CSMD1: variants seen among roughly 807,000 people sequenced by gnomAD.
CSMD1 encodes the protein CUB and Sushi multiple domains 1.
CSMD1 carries 213 observed loss-of-function variants against 417.5 expected under a neutral mutation model. That is an observed-to-expected ratio of 0.51 (90% CI 0.46 to 0.57). The LOEUF is 0.57. CSMD1 is among the 20% of genes least tolerant of loss of function. The pLI is 0.00. For missense variants in CSMD1, 6,923 were observed against 4,529.7 expected, an observed-to-expected ratio of 1.53 and a Z score of -15.17; for synonymous variants, 2,862 against 1,736.8, an observed-to-expected ratio of 1.65 and a Z score of -16.11.
intron 2 of CSMD1, 142 bp from the exon 3 acceptor site, chr8:4,420,207 A>G (rs967150422): frequency 3.9e-6 from 2 of 518,706 alleles, no homozygotes; most frequent in African/African-American, 1.9e-5. Flanking sequence ...ATCCATACAC[A>G]TAGCTTTGGT....
intron 5 of CSMD1, among the ~76,000 whole-genome samples, chr8:3,889,506 T>C (rs1806806912): frequency 7.9e-6 from 1 of 125,962 alleles, no homozygotes; most frequent in African/African-American, 2.9e-5. Flanking sequence ...ATATGCTCAT[T>C]AGGTCATGAT....
chr8:3,891,800 C>T (rs1461510812), intron 5 of CSMD1, among the ~76,000 whole-genome samples: 1 of 152,098 alleles, frequency 6.6e-6, no homozygotes, highest in Admixed American at 6.5e-5. Flanking sequence ...TTAGGCACAT[C>T]AATTATTTCT....
chr8:4,459,952 G>A (rs117971505), intron 2 of CSMD1, among the ~76,000 whole-genome samples: 1 of 152,060 alleles, frequency 6.6e-6, no homozygotes, highest in African/African-American at 2.4e-5. Flanking sequence ...TTTCATAGAG[G>A]AACAGAACAA....
intron 6 of CSMD1, among the ~76,000 whole-genome samples, chr8:3,717,229 C>T (rs1025087917): frequency 1.3e-5 from 2 of 152,160 alleles, no homozygotes; most frequent in South Asian, 2.1e-4. Context: ...GTAAACGTAC[C>T]TTTCCATTAT....
At chr8:3,895,929 C>T (rs983391785) in intron 5 of CSMD1, among the ~76,000 whole-genome samples, 1 of 152,172 alleles carries the variant, frequency 6.6e-6, no homozygotes, top group African/African-American at 2.4e-5. Flanking sequence ...GAGGCACCAA[C>T]CAATAGGCAC....
intron 2 of CSMD1, among the ~76,000 whole-genome samples, chr8:4,612,133 A>C (rs1442225550): frequency 6.6e-6 from 1 of 152,158 alleles, no homozygotes; most frequent in African/African-American, 2.4e-5. Context: ...ATCTCACACT[A>C]GGAGCAGAGA....
chr8:4,740,202 T>G (rs551296122), intron 1 of CSMD1, among the ~76,000 whole-genome samples: 1 of 152,284 alleles, frequency 6.6e-6, no homozygotes, highest in African/African-American at 2.4e-5. Flanking sequence ...CTTATTGTTT[T>G]CACCCCAGGA....
chr8:3,115,041 A>G (rs1460398), intron 42 of CSMD1, among the ~76,000 whole-genome samples: 54,324 of 152,128 alleles, frequency 0.36, 13,361 homozygotes, highest in African/African-American at 0.69. Context: ...ATTTTTATGC[A>G]TAAACATTTC....
chr8:4,342,351 G>C (rs910049111), intron 3 of CSMD1, among the ~76,000 whole-genome samples: 3 of 152,052 alleles, frequency 2.0e-5, no homozygotes, highest in African/African-American at 7.2e-5. Flanking sequence ...AGAAAAATAT[G>C]TGTATACATT....
intron 1 of CSMD1, among the ~76,000 whole-genome samples, chr8:4,721,794 T>A (rs940484362): frequency 6.6e-6 from 1 of 152,122 alleles, no homozygotes; most frequent in Non-Finnish European, 1.5e-5. Context: ...AGCCAAGGTA[T>A]GTAAAGAACC....
intron 5 of CSMD1, among the ~76,000 whole-genome samples, chr8:3,904,857 A>T (rs753481003): frequency 2.0e-5 from 3 of 152,004 alleles, no homozygotes; most frequent in Non-Finnish European, 2.9e-5. Flanking sequence ...GGCTGGTCTC[A>T]AACTCTTGAC....
At chr8:4,586,862 C>G (rs949247052) in intron 2 of CSMD1, among the ~76,000 whole-genome samples, 1 of 152,158 alleles carries the variant, frequency 6.6e-6, no homozygotes, top group Non-Finnish European at 1.5e-5. Context: ...TCAACTTTTT[C>G]TATCCAGTAT....
rs541831559 is a variant in CSMD1 at position 3,490,840 on chromosome 8, T to G, written c.1448+2783A>C. On this transcript the variant is annotated intron_variant, in intron 11 of 69. Transcript: ENST00000635120. ...AAATATAGATATCTGGGCCCTCAGA[T>G]GTAGGACTCTGTTTTTAAAAATAAA... 1.8e-4 allele frequency among the ~76,000 whole-genome samples: 27 copies of G among 152,148 alleles called. No homozygotes were observed. The South Asian group carries it at 3.7e-3, about 21-fold the overall frequency.
chr8:4,587,882 T>C (rs1056684007), intron 2 of CSMD1, among the ~76,000 whole-genome samples: 5 of 152,244 alleles, frequency 3.3e-5, no homozygotes, highest in African/African-American at 9.6e-5. Context: ...TAAAAACTGT[T>C]GTCCCTTTAA....
intron 3 of CSMD1, among the ~76,000 whole-genome samples, chr8:4,257,333 C>G (rs1388995876): frequency 6.6e-6 from 1 of 152,098 alleles, no homozygotes; most frequent in Non-Finnish European, 1.5e-5. Flanking sequence ...CTATTTTTAA[C>G]CATCCATTCA....
chr8:4,565,767 T>C (rs937715961), intron 2 of CSMD1, among the ~76,000 whole-genome samples: 4 of 14,402 alleles, frequency 2.8e-4, no homozygotes, highest in South Asian at 1.9e-3. Flanking sequence ...TATATATATA[T>C]ATATATATAT....
At chr8:3,828,366 T>C (rs1424506646) in intron 5 of CSMD1, among the ~76,000 whole-genome samples, 1 of 152,230 alleles carries the variant, frequency 6.6e-6, no homozygotes, top group Non-Finnish European at 1.5e-5. Flanking sequence ...AGGATTTTCA[T>C]AGAATATTTA....
At chr8:4,869,972 C>T (rs572834065) in intron 1 of CSMD1, among the ~76,000 whole-genome samples, 1 of 152,028 alleles carries the variant, frequency 6.6e-6, no homozygotes, top group East Asian at 1.9e-4. Context: ...GTTAAGGTGA[C>T]ATTTAAGAAT....
intron 1 of CSMD1, among the ~76,000 whole-genome samples, chr8:4,795,616 A>G (rs566184980): frequency 6.6e-5 from 10 of 152,112 alleles, no homozygotes; most frequent in African/African-American, 2.4e-4. Flanking sequence ...AACCATAACA[A>G]CACACACTTG....
Sources: allele counts gnomAD v4.1 joint callset (sites outside exome capture counted in the v4.1 genomes callset), GRCh38; gene constraint gnomAD v4.1.1; transcripts MANE v1.5; gene names NCBI Gene and HGNC (gene_info 2026-07-23, HGNC 2026-07-21).